Variants in WDR37 observed in about 807,000 individuals in gnomAD.
WDR37 encodes the protein WD repeat domain 37, also known as WD repeat-containing protein 37.
WDR37 carries 19 observed loss-of-function variants against 62.9 expected under a neutral mutation model. That is an observed-to-expected ratio of 0.30 (90% CI 0.21 to 0.44). The LOEUF is 0.44. WDR37 is among the 20% of genes least tolerant of loss of function. The probability of loss-of-function intolerance (pLI) is 1.00; values close to 1 mark genes in which losing one functional copy is unlikely to be tolerated. For synonymous variants in WDR37, 250 were observed against 260.9 expected (o/e 0.96, Z 0.40); for missense variants, 474 against 657.6 (o/e 0.72, Z 3.05).
intron 4 of WDR37, 150 bp downstream of exon 4, chr10:1,080,256 G>C: frequency 2.4e-6 from 3 of 1,269,566 alleles, no homozygotes; most frequent in Non-Finnish European, 3.3e-6. Context: ...TAAGGAGCTC[G>C]GTTCTTGTTC....
rs941059593 is a variant in WDR37, at chr10:1,121,735, C to T, written c.1104-2483C>T. Among the ~76,000 whole-genome samples the T allele has an allele frequency of 2.0e-5, 3 of 152,208 alleles. No individual in the cohort carries two copies. Among genetic ancestry groups the T allele is most frequent in the Non-Finnish European group, 4.4e-5 (3 of 68,044 alleles). On this transcript the variant is annotated intron_variant, in intron 11 of 13. Coordinates refer to ENST00000263150, the MANE Select transcript of WDR37 (RefSeq NM_014023.4). The surrounding 1 kb of genome is among the most constrained non-coding windows in gnomAD (Gnocchi z 4.5). Reference sequence around the variant, plus strand: ...ATCCACAGGCCAGGATGCTGCACCACAGGGAAGGGCCCCGACCAGACATCA... The same window carrying T: ...ATCCACAGGCCAGGATGCTGCACCATAGGGAAGGGCCCCGACCAGACATCA...
At chr10:1,068,465 AAAAAC>A (rs1395465697) in intron 1 of WDR37, among the ~76,000 whole-genome samples, 1 of 152,068 alleles carries the variant, frequency 6.6e-6, no homozygotes, top group African/African-American at 2.4e-5. Flanking sequence ...AAAAAAACAA[AAAAAC>A]AAACAGTGTT....
At chr10:1,109,357 G>A (rs1835135021) in intron 11 of WDR37, among the ~76,000 whole-genome samples, 2 of 152,154 alleles carry the variant, frequency 1.3e-5, no homozygotes, top group Non-Finnish European at 2.9e-5. Context: ...GCATGTTTTC[G>A]CTTCTAAGGC....
At chr10:1,070,297 T>A (rs1833689125) in intron 1 of WDR37, among the ~76,000 whole-genome samples, 1 of 152,170 alleles carries the variant, frequency 6.6e-6, no homozygotes, top group South Asian at 2.1e-4. Flanking sequence ...AGTTAAAGCT[T>A]TTAAAAACTG....
chr10:1,101,351 T>G (rs528644284), intron 9 of WDR37, among the ~76,000 whole-genome samples: 8 of 152,212 alleles, frequency 5.3e-5, no homozygotes, highest in Non-Finnish European at 1.0e-4. Context: ...GGCTCATAGA[T>G]GGCGTCTTCT....
At position 1,131,817 on chromosome 10, in the gene WDR37, A is replaced by G. The variant is rs1446669528; in HGVS notation, c.*2473A>G. 6.6e-6 allele frequency: 1 copy of G among 152,382 alleles called. No homozygotes were observed. The highest frequency in any genetic ancestry group is 2.4e-5 in the African/African-American group (1 of 41,450). The allele number at this position is 152,382 out of a possible 1,614,324, so 9.4% of individuals were successfully genotyped here. ...TTTTGTCCTGTATGCTGATGTGTCCAGAATTTCATTTAATGATAGACGGAA... is the reference window on the plus strand; with the variant it reads ...TTTTGTCCTGTATGCTGATGTGTCCGGAATTTCATTTAATGATAGACGGAA... On this transcript the variant is annotated 3_prime_UTR_variant, in exon 14 of 14. Coordinates refer to ENST00000263150, the MANE Select transcript of WDR37 (RefSeq NM_014023.4).
At chr10:1,080,703 T>G (rs1834000268) in intron 5 of WDR37, among the ~76,000 whole-genome samples, 1 of 152,090 alleles carries the variant, frequency 6.6e-6, no homozygotes, top group Non-Finnish European at 1.5e-5. Flanking sequence ...GTCAGGAGTT[T>G]GAGACCAGCT....
At chr10:1,073,908 G>A (rs550396274) in intron 2 of WDR37, among the ~76,000 whole-genome samples, 10 of 152,206 alleles carry the variant, frequency 6.6e-5, no homozygotes, top group East Asian at 5.8e-4. Flanking sequence ...AAACACAGTC[G>A]CATGCTGAGG....
intron 13 of WDR37, among the ~76,000 whole-genome samples, chr10:1,126,529 G>A (rs1340184655): frequency 6.6e-6 from 1 of 152,202 alleles, no homozygotes; most frequent in East Asian, 1.9e-4. Flanking sequence ...GTACTGTCTG[G>A]ATACCTGTGT....
chr10:1,073,258 A>G (rs964058244), intron 2 of WDR37, among the ~76,000 whole-genome samples: 7 of 152,238 alleles, frequency 4.6e-5, no homozygotes, highest in Non-Finnish European at 1.0e-4. Flanking sequence ...CTTCACAATT[A>G]GAACAAATTC....
At position 1,093,514 on chromosome 10, in the gene WDR37, T is replaced by C. The variant is rs1437132735; in HGVS notation, c.649+18T>C. On this transcript the variant is annotated intron_variant, in intron 8 of 13. Transcript: ENST00000263150. ...TCTCACTGGTATGTTGATTTTTTTC[T>C]TTATTGAACAAAATGATAGATGGTC... is the stretch of plus-strand genomic sequence containing the variant. 1.3e-6 allele frequency: 2 copies of C among 1,594,076 alleles called. No individual in the cohort carries two copies. Among genetic ancestry groups the C allele is most frequent in the East Asian group, 4.5e-5 (2 of 44,734 alleles).
intron 9 of WDR37, among the ~76,000 whole-genome samples, chr10:1,096,969 G>A (rs1390404562): frequency 6.6e-6 from 1 of 152,184 alleles, no homozygotes; most frequent in Non-Finnish European, 1.5e-5. Flanking sequence ...CCTTTCTGCT[G>A]AGGCTTAGAG....
chr10:1,075,150 G>A (rs921122725), intron 2 of WDR37, among the ~76,000 whole-genome samples: 3 of 152,098 alleles, frequency 2.0e-5, no homozygotes, highest in Non-Finnish European at 2.9e-5. Context: ...TTTTGTAAGC[G>A]CGCTCTTCCT....
At chr10:1,117,296 C>T (rs981772240) in intron 11 of WDR37, among the ~76,000 whole-genome samples, 3 of 152,184 alleles carry the variant, frequency 2.0e-5, no homozygotes, top group African/African-American at 4.8e-5. Flanking sequence ...CGCAAGTGAT[C>T]CTCTTGCCTC....
chr10:1,117,825 C>T (rs776593800), intron 11 of WDR37, among the ~76,000 whole-genome samples: 7 of 152,198 alleles, frequency 4.6e-5, no homozygotes, highest in East Asian at 3.8e-4. Flanking sequence ...ATGTGAGGGT[C>T]GCCTGGCAGC....
intron 1 of WDR37, among the ~76,000 whole-genome samples, chr10:1,064,369 G>A (rs1386805607): frequency 1.3e-5 from 2 of 152,068 alleles, no homozygotes; most frequent in African/African-American, 2.4e-5. Flanking sequence ...AGGACGGGGT[G>A]GGGGGAAAAC....
chr10:1,120,618 GGGC>G (rs1835546911), intron 11 of WDR37, among the ~76,000 whole-genome samples: 1 of 152,206 alleles, frequency 6.6e-6, no homozygotes, highest in Non-Finnish European at 1.5e-5. Flanking sequence ...TCCAAGGAAG[GGGC>G]TGCCGTCCAC....
intron 11 of WDR37, among the ~76,000 whole-genome samples, chr10:1,115,336 A>G (rs1466717040): frequency 1.3e-5 from 2 of 152,260 alleles, no homozygotes; most frequent in Non-Finnish European, 2.9e-5. Flanking sequence ...ACACACATCT[A>G]ACCAAACAAA....
At position 1,125,069 on chromosome 10, in the gene WDR37, G is replaced by A. The variant is rs201004604; in HGVS notation, c.1353+45G>A. 375 of 1,594,388 alleles carry A rather than the reference G, an allele frequency of 2.4e-4. 5 individuals are homozygous for A. The highest frequency in any genetic ancestry group is 1.0e-3 in the Middle Eastern group (6 of 5,978). ...ACATATGCAGGGCACAGTGGAGGAG[G>A]ACGGGTAGAGATATTTTACATTCTC... On this transcript the variant is annotated intron_variant, in intron 13 of 13. Coordinates refer to ENST00000263150, the MANE Select transcript of WDR37 (RefSeq NM_014023.4).
Sources: allele counts gnomAD v4.1 joint callset (sites outside exome capture counted in the v4.1 genomes callset), GRCh38; gene constraint gnomAD v4.1.1; non-coding constraint Gnocchi (gnomAD v3.1); transcripts MANE v1.5; gene names NCBI Gene and HGNC (gene_info 2026-07-23, HGNC 2026-07-21).